The following METTL6 variants were observed in gnomAD, a reference collection of about 807,000 sequenced individuals.
METTL6 encodes the protein tRNA N(3)-cytidine methyltransferase METTL6.
In METTL6, 22 loss-of-function variants were observed where a neutral mutation model predicts 26.4. The observed-to-expected ratio is 0.83, with a 90% CI of 0.59 to 1.19. The LOEUF is 1.19. Among genes scored for constraint, METTL6 ranks in the 50% most tolerant of loss-of-function variants. The pLI, the probability that METTL6 is intolerant of heterozygous loss-of-function variation, is 0.00. For missense variants in METTL6, 304 were observed against 324.8 expected, an observed-to-expected ratio of 0.94 and a Z score of 0.49; for synonymous variants, 109 against 116.2, an observed-to-expected ratio of 0.94 and a Z score of 0.40.
chr3:15,391,778 T>C (rs1699356174), intron 6 of METTL6, among the ~76,000 whole-genome samples: 1 of 151,874 alleles, frequency 6.6e-6, no homozygotes, highest in Non-Finnish European at 1.5e-5. Flanking sequence ...GATAGTTTGC[T>C]GAGAATGATG....
chr3:15,415,043 A>C (rs79506421), intron 4 of METTL6: 26 of 759,202 alleles, frequency 3.4e-5, no homozygotes, highest in Middle Eastern at 3.5e-4. Context: ...GTCTCTTAAA[A>C]AAACAAACAA....
At chr3:15,401,794 C>T (rs1174260013) in intron 6 of METTL6, among the ~76,000 whole-genome samples, 1 of 152,082 alleles carries the variant, frequency 6.6e-6, no homozygotes, top group Non-Finnish European at 1.5e-5. Flanking sequence ...TGGGGAGAAA[C>T]CCTTAGTTCT....
intron 6 of METTL6, among the ~76,000 whole-genome samples, chr3:15,388,667 T>A (rs1353727120): frequency 6.6e-6 from 1 of 152,172 alleles, no homozygotes; most frequent in Non-Finnish European, 1.5e-5. Flanking sequence ...GCCCAAAATC[T>A]TGTAGCATCC....
intron 6 of METTL6, among the ~76,000 whole-genome samples, chr3:15,402,705 C>T (rs1229425826): frequency 2.1e-5 from 3 of 139,828 alleles, no homozygotes; most frequent in Non-Finnish European, 4.5e-5. Context: ...CACTGTACTC[C>T]AGCCTGGGAA....
At chr3:15,418,774 T>C (rs2061548140) in intron 3 of METTL6, among the ~76,000 whole-genome samples, 2 of 152,136 alleles carry the variant, frequency 1.3e-5, no homozygotes, top group Admixed American at 1.3e-4. Flanking sequence ...CTCACACCTG[T>C]AATCCCAGCA....
chr3:15,420,886 T>C (rs1365394619), intron 3 of METTL6, among the ~76,000 whole-genome samples: 1 of 152,230 alleles, frequency 6.6e-6, no homozygotes, highest in Admixed American at 6.5e-5. Context: ...AAGGGTTCTA[T>C]GCCAGAATGT....
At chr3:15,401,079 G>A (rs372782777) in intron 6 of METTL6, among the ~76,000 whole-genome samples, 193 of 151,158 alleles carry the variant, frequency 1.3e-3, no homozygotes, top group Admixed American at 4.4e-3. Context: ...TCACTCTGTC[G>A]CCCAGGCTGG....
At position 15,415,786 on chromosome 3, in the gene METTL6, G is replaced by C. The variant is rs780293006; in HGVS notation, c.517C>G (p.Gln173Glu). The C allele has an allele frequency of 1.1e-5, 18 of 1,613,550 alleles. No homozygotes were observed. Among genetic ancestry groups the C allele is most frequent in the Non-Finnish European group, 1.5e-5 (18 of 1,179,844 alleles). ...VHPDKMHLVL[Q>E]NIYKVLKPGK... The stretch of plus-strand genomic sequence containing the variant: ...AAATCACTAACCTTGTAAATGTTTT[G>C]TAAGACAAGGTGCATCTTATCAGGA... The change falls in exon 4 of 6, where the codon CAA becomes GAA. Residue 173 changes from glutamine (Q) to glutamate (E), a missense_variant. By Grantham distance (29) the Gln-to-Glu change is conservative. Coordinates refer to ENST00000383790, the MANE Select transcript of METTL6 (RefSeq NM_152396.4).
rs1699722600 is a variant in METTL6, at chr3:15,404,018, C to T, written c.*11+7227G>A. ...GGTTTTGCTGGGATTTGGCTGGCTTCTTTATTACAACCTGCTTTATAAGCA... is the reference window on the plus strand; with the variant it reads ...GGTTTTGCTGGGATTTGGCTGGCTTTTTTATTACAACCTGCTTTATAAGCA... On this transcript the variant is annotated intron_variant, in intron 6 of 6. Coordinates refer to the METTL6 transcript ENST00000443029. Among the ~76,000 whole-genome samples, 2 of 152,272 alleles carry T rather than the reference C, an allele frequency of 1.3e-5. 1 individual carries two copies. Among genetic ancestry groups the T allele is most frequent in the Admixed American group, 1.3e-4 (2 of 15,286 alleles).
At chr3:15,418,967 T>G (rs1002555441) in intron 3 of METTL6, among the ~76,000 whole-genome samples, 2 of 152,140 alleles carry the variant, frequency 1.3e-5, no homozygotes, top group East Asian at 1.9e-4. Flanking sequence ...TTAAATCCTG[T>G]GTAGCCTGGG....
downstream of METTL6, among the ~76,000 whole-genome samples, chr3:15,409,485 T>C (rs73142293): frequency 5.6e-3 from 846 of 152,304 alleles, 7 homozygotes; most frequent in African/African-American, 0.018. Flanking sequence ...TCTGCAACAC[T>C]AGCTACGTGA....
chr3:15,383,998 C>T (rs1328390363), exon 7 of METTL6: 2 of 309,334 alleles, frequency 6.5e-6, no homozygotes, highest in Non-Finnish European at 1.2e-5. Flanking sequence ...GTACATCCCC[C>T]ACCCCAGAAT....
intron 3 of METTL6, among the ~76,000 whole-genome samples, chr3:15,424,677 T>G (rs1272013778): frequency 6.6e-6 from 1 of 152,228 alleles, no homozygotes; most frequent in African/African-American, 2.4e-5. Flanking sequence ...GTCTTGACAT[T>G]TGTAATATAC....
chr3:15,404,910 T>C (rs1699745390), downstream of METTL6, among the ~76,000 whole-genome samples: 1 of 152,202 alleles, frequency 6.6e-6, no homozygotes, highest in Non-Finnish European at 1.5e-5. Context: ...GAGAAATGTC[T>C]GCTCCCCAAT....
At chr3:15,418,981 C>T (rs1384916640) in intron 3 of METTL6, among the ~76,000 whole-genome samples, 1 of 152,040 alleles carries the variant, frequency 6.6e-6, no homozygotes, top group Non-Finnish European at 1.5e-5. Flanking sequence ...GCCTGGGCAA[C>T]ACAGCAGGAC....
rs1559502303 is a variant in METTL6, at chr3:15,427,472, CT to C, written c.-196del. ...ACCGCGAAACAACCCTAAACCAATT[CT>C]GAGGACCACGAATTCGGATTATCCG... On this transcript the variant is annotated 5_prime_UTR_variant, in exon 1 of 6. It removes the in-frame stop codon of an upstream open reading frame in the 5' UTR. Transcript: ENST00000383790. 1 of 440,376 alleles carries C rather than the reference CT, an allele frequency of 2.3e-6. No homozygotes were observed. Among genetic ancestry groups the C allele is most frequent in the Non-Finnish European group, 4.2e-6 (1 of 239,636 alleles). The allele number at this position is 440,376 out of a possible 1,614,324, so 27.3% of individuals were successfully genotyped here.
At chr3:15,383,996 C>T (rs775472767) in exon 7 of METTL6, 63 of 307,746 alleles carry the variant, frequency 2.0e-4, no homozygotes, top group Non-Finnish European at 3.5e-4. Flanking sequence ...CTGTACATCC[C>T]CCACCCCAGA....
intron 1 of METTL6, among the ~76,000 whole-genome samples, chr3:15,427,066 T>A (rs1015001068): frequency 6.6e-6 from 1 of 152,168 alleles, no homozygotes. Flanking sequence ...CTCCGTTTTT[T>A]CGGGGGAAAT....
chr3:15,390,447 A>G (rs931182568), intron 6 of METTL6, among the ~76,000 whole-genome samples: 6 of 152,170 alleles, frequency 3.9e-5, no homozygotes, highest in Non-Finnish European at 5.9e-5. Context: ...TAATAATAAT[A>G]ATGAAACCAC....
Sources: gnomAD v4.1 joint callset for allele counts (sites outside exome capture counted in the v4.1 genomes callset) on GRCh38, gnomAD v4.1.1 for gene constraint, MANE v1.5 for transcripts, NCBI Gene and HGNC (gene_info 2026-07-23, HGNC 2026-07-21) for gene names.